Variants in PRPF6 observed in about 807,000 individuals in gnomAD.
PRPF6 encodes pre-mRNA-processing factor 6.
A neutral mutation model predicts 118.3 loss-of-function variants in PRPF6; 42 were observed. That is an observed-to-expected ratio of 0.35 (90% CI 0.28 to 0.46). The LOEUF (loss-of-function observed/expected upper bound fraction) is 0.46. Ranked by LOEUF, PRPF6 falls within the 20% of genes least tolerant of loss-of-function variation. The pLI is 1.00. For missense variants in PRPF6, 662 were observed against 1,255.7 expected, an observed-to-expected ratio of 0.53 and a Z score of 7.15; for synonymous variants, 481 against 485.1, an observed-to-expected ratio of 0.99 and a Z score of 0.11.
intron 9 of PRPF6, among the ~76,000 whole-genome samples, chr20:64,006,554 T>C (rs1284029882): frequency 3.9e-5 from 6 of 152,038 alleles, no homozygotes; most frequent in Admixed American, 3.9e-4. Flanking sequence ...ACTCCTGACC[T>C]CATGATCCAC....
At chr20:63,991,655 T>A (rs1306789787) in intron 3 of PRPF6, among the ~76,000 whole-genome samples, 1 of 151,968 alleles carries the variant, frequency 6.6e-6, no homozygotes, top group Admixed American at 6.6e-5. Flanking sequence ...CTGGGTGTGG[T>A]GGTGCATGCC....
chr20:63,987,476 A>C (rs2059099807), intron 3 of PRPF6, among the ~76,000 whole-genome samples: 1 of 152,064 alleles, frequency 6.6e-6, no homozygotes, highest in Non-Finnish European at 1.5e-5. Context: ...CTGTGTCGCA[A>C]AGAAAAAAAA....
intron 2 of PRPF6, among the ~76,000 whole-genome samples, chr20:63,984,236 T>G (rs1023875784): frequency 2.0e-5 from 3 of 152,030 alleles, no homozygotes; most frequent in African/African-American, 7.3e-5. Flanking sequence ...CTGTTTAACA[T>G]GGTGAAACCC....
At chr20:63,994,324 A>AT (rs1468749254) in intron 4 of PRPF6, among the ~76,000 whole-genome samples, 2 of 151,600 alleles carry the variant, frequency 1.3e-5, no homozygotes, top group African/African-American at 4.8e-5. Flanking sequence ...TGCCCGGCTA[A>AT]TTTTGTATTT....
chr20:63,995,052 A>G lies in PRPF6; in HGVS notation c.575A>G (p.Gln192Arg). ...GACAGTTTCTTTGCCAAACATTTAC[A>G]GACCGGAGAGAACCATACCTCAGTG... ...VPDSFFAKHL[Q>R]TGENHTSVDP... Residue 192 changes from glutamine to arginine, a missense_variant, in exon 5 of 21, where the codon CAG becomes CGG. Around this residue, in one of 10 missense-constraint regions of PRPF6, gnomAD observed 97 missense variants for 122.6 expected, o/e 0.79. Coordinates refer to ENST00000266079, the MANE Select transcript of PRPF6 (RefSeq NM_012469.4). The G allele has an allele frequency of 6.2e-7, 1 of 1,614,202 alleles. No individual in the cohort carries two copies. The highest frequency in any genetic ancestry group is 8.5e-7 in the Non-Finnish European group (1 of 1,180,034).
At chr20:63,989,119 A>G (rs1329817958) in intron 3 of PRPF6, among the ~76,000 whole-genome samples, 1 of 152,202 alleles carries the variant, frequency 6.6e-6, no homozygotes, top group African/African-American at 2.4e-5. Flanking sequence ...TGACAAATGT[A>G]CCAGGAATAT....
At chr20:64,010,524 C>G (rs1019051060) in intron 10 of PRPF6, among the ~76,000 whole-genome samples, 1 of 152,238 alleles carries the variant, frequency 6.6e-6, no homozygotes. Flanking sequence ...TAGCTGTGCT[C>G]TTAATGGACG....
chr20:63,995,515 A>G (rs201322529), intron 6 of PRPF6, 33 bp downstream of exon 6: 1 of 1,613,318 alleles, frequency 6.2e-7, no homozygotes, highest in Non-Finnish European at 8.5e-7. Context: ...TCCTGTGGAC[A>G]GGTTTAGACA....
chr20:64,024,078 TGA>T (rs1351320313), intron 13 of PRPF6, among the ~76,000 whole-genome samples: 2 of 152,212 alleles, frequency 1.3e-5, no homozygotes, highest in Admixed American at 6.5e-5. Flanking sequence ...GCATCAGACC[TGA>T]TGCCCACGGC....
At position 64,026,111 on chromosome 20, in the gene PRPF6, C is replaced by G; in HGVS notation, c.2028+53C>G. ...GTCTGGGGTGCATGGTGTGCACATG[C>G]GGGCCCCACGCCTGGCTTGGGTGGT... On this transcript the variant is annotated intron_variant, in intron 15 of 20. Coordinates refer to ENST00000266079, the MANE Select transcript of PRPF6 (RefSeq NM_012469.4). The surrounding 1 kb of genome is among the most constrained non-coding windows in gnomAD (Gnocchi z 4.4). The G allele has an allele frequency of 1.3e-6, 2 of 1,595,120 alleles. No individual in the cohort carries two copies. The highest frequency in any genetic ancestry group is 2.0e-4 in the Middle Eastern group (1 of 4,960).
intron 9 of PRPF6, among the ~76,000 whole-genome samples, chr20:64,004,926 C>T (rs959491418): frequency 6.6e-6 from 1 of 152,232 alleles, no homozygotes; most frequent in Non-Finnish European, 1.5e-5. Flanking sequence ...TGGCCGTCGC[C>T]AGCGTGTCCC....
chr20:64,024,680 C>T lies in PRPF6; in HGVS notation c.1895C>T (p.Ala632Val). The change falls in exon 14 of 21, where the codon GCC becomes GTC. Residue 632 changes from alanine (A) to valine (V), a missense_variant. Physicochemically the swap from Ala to Val is moderately conservative, Grantham distance 64. Transcript: ENST00000266079. ...GTGCCTGCAGCAAGGAGCATCCTGG[C>T]CCTGGCCTTCCAGGTGGGTGAGGGT... is the stretch of plus-strand genomic sequence containing the variant. ...GDVPAARSIL[A>V]LAFQANPNSE... 2 of 1,612,702 alleles carry T rather than the reference C, an allele frequency of 1.2e-6. No homozygotes were observed. The highest frequency in any genetic ancestry group is 1.7e-6 in the Non-Finnish European group (2 of 1,179,854).
At chr20:63,993,319 C>A in intron 3 of PRPF6, 88 bp from the exon 4 acceptor site, 3 of 776,296 alleles carry the variant, frequency 3.9e-6, no homozygotes, top group East Asian at 3.4e-5. Flanking sequence ...TGGAATTGTT[C>A]TTTTTGGTGA....
chr20:64,028,641 G>T lies in PRPF6; in HGVS notation c.2431+72G>T. The T allele has an allele frequency of 6.4e-7, 1 of 1,552,404 alleles. No homozygotes were observed. Among genetic ancestry groups the T allele is most frequent in the East Asian group, 2.3e-5 (1 of 43,890 alleles). On this transcript the variant is annotated intron_variant, in intron 18 of 20. Transcript: ENST00000266079. This position sits in a 1 kb window ranked among gnomAD's most constrained non-coding sequence, Gnocchi z 6.5. ...AAGGGGGTGCCTTGACTCCGGTAAGGGGGTGCTTCCTGGCTTCCCAGACTC... is the reference window on the plus strand; with the variant it reads ...AAGGGGGTGCCTTGACTCCGGTAAGTGGGTGCTTCCTGGCTTCCCAGACTC...
At position 64,026,114 on chromosome 20, in the gene PRPF6, G is replaced by C. The variant is rs1304023508; in HGVS notation, c.2028+56G>C. On this transcript the variant is annotated intron_variant, in intron 15 of 20. Coordinates refer to ENST00000266079, the MANE Select transcript of PRPF6 (RefSeq NM_012469.4). This position sits in a 1 kb window ranked among gnomAD's most constrained non-coding sequence, Gnocchi z 4.4. ...TGGGGTGCATGGTGTGCACATGCGG[G>C]CCCCACGCCTGGCTTGGGTGGTGAT... 6.3e-7 allele frequency: 1 copy of C among 1,594,838 alleles called. No individual in the cohort carries two copies. The highest frequency in any genetic ancestry group is 8.5e-7 in the Non-Finnish European group (1 of 1,178,492).
intron 9 of PRPF6, among the ~76,000 whole-genome samples, chr20:64,006,684 C>T (rs956369161): frequency 2.6e-5 from 4 of 152,100 alleles, no homozygotes; most frequent in South Asian, 2.1e-4. Context: ...GCAGTGGAGA[C>T]GGGACTTGTG....
chr20:63,997,534 G>A (rs1300827818), intron 6 of PRPF6, among the ~76,000 whole-genome samples: 1 of 150,166 alleles, frequency 6.7e-6, no homozygotes, highest in African/African-American at 2.5e-5. Context: ...TCGGCTCACT[G>A]CAACCTCCAC....
intron 9 of PRPF6, among the ~76,000 whole-genome samples, chr20:64,003,986 G>A (rs1279404598): frequency 6.6e-6 from 1 of 152,184 alleles, no homozygotes; most frequent in Non-Finnish European, 1.5e-5. Context: ...TTTTCAGCTA[G>A]GAAGAAATAG....
Position 64,029,337 on chromosome 20 carries a change from G to C in PRPF6, c.2432-40G>C. On this transcript the variant is annotated intron_variant, in intron 18 of 20. Transcript: ENST00000266079. The surrounding 1 kb of genome is among the most constrained non-coding windows in gnomAD (Gnocchi z 4.8). Reference sequence around the variant, plus strand: ...GCTGGGCACCTTTCCGGAACCAGAGGCTGGAGTGCAAATCTTTGTTCTTTG... The same window carrying C: ...GCTGGGCACCTTTCCGGAACCAGAGCCTGGAGTGCAAATCTTTGTTCTTTG... 1 of 1,584,476 alleles carries C rather than the reference G, an allele frequency of 6.3e-7. No homozygotes were observed. Among genetic ancestry groups the C allele is most frequent in the Non-Finnish European group, 8.7e-7 (1 of 1,153,688 alleles).
Sources: allele counts gnomAD v4.1 joint callset (sites outside exome capture counted in the v4.1 genomes callset), GRCh38; gene constraint gnomAD v4.1.1; regional missense constraint gnomAD v4.1.1; non-coding constraint Gnocchi (gnomAD v3.1); transcripts MANE v1.5; gene names NCBI Gene and HGNC (gene_info 2026-07-23, HGNC 2026-07-21).